ENTREP2: variants seen among roughly 807,000 people sequenced by gnomAD.
ENTREP2 encodes the protein protein ENTREP2.
chr15:29,123,227 A>C, the ENTREP2 span: 1 of 1,192,104 alleles, frequency 8.4e-7, no homozygotes, highest in Non-Finnish European at 1.2e-6. Flanking sequence ...TCCCCCCCAC[A>C]TTTATCCTCC....
chr15:29,464,470 C>A, the ENTREP2 span, among the ~76,000 whole-genome samples: 139 of 152,174 alleles, frequency 9.1e-4, no homozygotes, highest in African/African-American at 3.2e-3. Flanking sequence ...AAGAGAAAAT[C>A]AAATCATGGA....
chr15:29,395,249 T>C, the ENTREP2 span, among the ~76,000 whole-genome samples: 101,488 of 151,526 alleles, frequency 0.67, 35,285 homozygotes, highest in Admixed American at 0.77. Context: ...GTTGAGCCAC[T>C]CGTCTACAGA....
the ENTREP2 span, among the ~76,000 whole-genome samples, chr15:29,233,305 T>C: frequency 1.3e-5 from 2 of 152,232 alleles, no homozygotes; most frequent in African/African-American, 4.8e-5. Context: ...TAAAGCAATC[T>C]AGTGATACAG....
At chr15:29,338,724 G>A in the ENTREP2 span, among the ~76,000 whole-genome samples, 1 of 152,172 alleles carries the variant, frequency 6.6e-6, no homozygotes, top group African/African-American at 2.4e-5. Context: ...CAACACTCAT[G>A]AGGAGGGACG....
At chr15:29,563,229 C>G in the ENTREP2 span, among the ~76,000 whole-genome samples, 14,881 of 152,218 alleles carry the variant, frequency 0.098, 728 homozygotes, top group Middle Eastern at 0.19. Flanking sequence ...CATTATAGTT[C>G]TAAATATTTA....
At chr15:29,457,678 C>T in the ENTREP2 span, among the ~76,000 whole-genome samples, 3 of 152,328 alleles carry the variant, frequency 2.0e-5, no homozygotes, top group Non-Finnish European at 4.4e-5. Context: ...GCAGTGGAGG[C>T]CTCACTTCCC....
the ENTREP2 span, among the ~76,000 whole-genome samples, chr15:29,647,162 T>C: frequency 2.0e-5 from 3 of 152,216 alleles, no homozygotes; most frequent in Admixed American, 1.3e-4. Flanking sequence ...TAACTTACTC[T>C]GGCTGGTACA....
At chr15:29,261,642 T>A in the ENTREP2 span, among the ~76,000 whole-genome samples, 1 of 152,238 alleles carries the variant, frequency 6.6e-6, no homozygotes, top group Non-Finnish European at 1.5e-5. Context: ...ACTGATTTTA[T>A]ACGCAACATT....
chr15:29,642,237 T>TA, the ENTREP2 span, among the ~76,000 whole-genome samples: 1 of 151,980 alleles, frequency 6.6e-6, no homozygotes, highest in African/African-American at 2.4e-5. Flanking sequence ...TTTCATAACT[T>TA]AATGCAAAGT....
At chr15:29,395,880 G>A in the ENTREP2 span, among the ~76,000 whole-genome samples, 1 of 152,102 alleles carries the variant, frequency 6.6e-6, no homozygotes, top group Non-Finnish European at 1.5e-5. Flanking sequence ...GTGATGTTGA[G>A]CATGTTTTCA....
chr15:29,196,953 C>T, the ENTREP2 span, among the ~76,000 whole-genome samples: 20 of 152,190 alleles, frequency 1.3e-4, no homozygotes, highest in African/African-American at 3.4e-4. Flanking sequence ...TTTCCTGCCT[C>T]ACTTCATGGC....
chr15:29,216,369 C>G, the ENTREP2 span, among the ~76,000 whole-genome samples: 1 of 152,130 alleles, frequency 6.6e-6, no homozygotes, highest in East Asian at 1.9e-4. Context: ...TTATAGGTTA[C>G]CTAGTGCTTC....
At chr15:29,157,836 T>A in the ENTREP2 span, among the ~76,000 whole-genome samples, 2 of 151,928 alleles carry the variant, frequency 1.3e-5, no homozygotes, top group South Asian at 4.2e-4. Flanking sequence ...TTCAAGTGAT[T>A]CTCCTGCCTC....
At chr15:29,556,765 C>CA in the ENTREP2 span, among the ~76,000 whole-genome samples, 1 of 109,806 alleles carries the variant, frequency 9.1e-6, no homozygotes, top group Admixed American at 9.8e-5. Flanking sequence ...TGCAGGTGCC[C>CA]CCCCCCCGCC....
At chr15:29,228,723 A>G in the ENTREP2 span, among the ~76,000 whole-genome samples, 2 of 152,232 alleles carry the variant, frequency 1.3e-5, no homozygotes, top group Non-Finnish European at 2.9e-5. Flanking sequence ...GTCAAAAGGT[A>G]CAAATTATCA....
the ENTREP2 span, among the ~76,000 whole-genome samples, chr15:29,327,612 A>G: frequency 1.3e-5 from 2 of 149,400 alleles, no homozygotes; most frequent in South Asian, 2.1e-4. Flanking sequence ...AAAAAAAAAG[A>G]GGGTAAAGAT....
the ENTREP2 span, chr15:29,136,407 G>A: frequency 2.3e-5 from 35 of 1,533,930 alleles, no homozygotes; most frequent in Non-Finnish European, 2.5e-5. Flanking sequence ...TCGTACGGAG[G>A]GGGGAGCTCA....
chr15:29,579,799 G>A, the ENTREP2 span, among the ~76,000 whole-genome samples: 74 of 141,300 alleles, frequency 5.2e-4, no homozygotes, highest in South Asian at 2.2e-3. Flanking sequence ...CAAGGTCCAC[G>A]TTCCGGGTTC....
chr15:29,509,758 C>T, the ENTREP2 span, among the ~76,000 whole-genome samples: 22 of 152,168 alleles, frequency 1.4e-4, no homozygotes, highest in South Asian at 6.2e-4. Flanking sequence ...CAACTCAAGA[C>T]GGATTAAAGA....
Sources: allele counts gnomAD v4.1 joint callset (sites outside exome capture counted in the v4.1 genomes callset), GRCh38; gene constraint gnomAD v4.1.1; transcripts MANE v1.5; gene names NCBI Gene and HGNC (gene_info 2026-07-23, HGNC 2026-07-21).